Variants in FAM177B observed in about 807,000 individuals in gnomAD.
The protein encoded by FAM177B is protein FAM177B.
In FAM177B, 16 loss-of-function variants were observed where a neutral mutation model predicts 16.1. The ratio of observed to expected loss-of-function variants is 0.99; its 90% CI spans 0.67 to 1.51. The LOEUF is 1.51. Among genes scored for constraint, FAM177B ranks in the 40% most tolerant of loss-of-function variants. The pLI is 0.00. For synonymous variants in FAM177B, 56 were observed against 59.9 expected (o/e 0.93, Z 0.30); for missense variants, 178 against 183.7 (o/e 0.97, Z 0.18).
Position 222,745,037 on chromosome 1 carries a change from G to A in FAM177B, c.-15-1494G>A, listed in dbSNP as rs542878190. On this transcript the variant is annotated intron_variant, in intron 2 of 5. Transcript: ENST00000445590. ...TTTCTACATAAATGGAATTATATACGATGCAGTGTCTGGCTTCTTTTGCTT... is the reference window on the plus strand; with the variant it reads ...TTTCTACATAAATGGAATTATATACAATGCAGTGTCTGGCTTCTTTTGCTT... 4.6e-5 allele frequency among the ~76,000 whole-genome samples: 7 copies of A among 152,216 alleles called. No individual in the cohort carries two copies. The East Asian group carries it at 5.8e-4, about 13-fold the overall frequency.
In FAM177B at chr1:222,750,618, C is replaced by A. The variant is rs568011275; in HGVS notation, c.*560C>A. 2.4e-5 allele frequency: 19 copies of A among 793,568 alleles called. No homozygotes were observed. The highest frequency in any genetic ancestry group is 2.7e-5 in the Non-Finnish European group (18 of 655,254). The allele number at this position is 793,568 out of a possible 1,614,324, so 49.2% of individuals were successfully genotyped here. A position where few individuals can be genotyped will look rare whatever the true frequency, so the allele number is the denominator to read the frequency against. On this transcript the variant is annotated 3_prime_UTR_variant, in exon 6 of 6. Coordinates refer to ENST00000445590, the MANE Select transcript of FAM177B (RefSeq NM_001394345.1). The stretch of plus-strand genomic sequence containing the variant: ...TATCAAGATCTTTAAGAATTAGGTA[C>A]ATCCCTCCAAATTAAAACAATTGAT...
At chr1:222,745,520 G>A (rs1199980309) in intron 2 of FAM177B, among the ~76,000 whole-genome samples, 1 of 152,184 alleles carries the variant, frequency 6.6e-6, no homozygotes. Flanking sequence ...AGGTGGTTGA[G>A]GCGGGAAGAT....
rs566365052 is a variant in FAM177B at position 222,738,598 on chromosome 1, C to T, written c.-16+577C>T. On this transcript the variant is annotated intron_variant, in intron 2 of 5. Transcript: ENST00000445590. ...AAAAAAAAAGGCTGGGCGTGTGGCA[C>T]GTGCCTGTGGGAGGTCGAGGTTGCA... is the stretch of plus-strand genomic sequence containing the variant. Among the ~76,000 whole-genome samples, 8 of 140,222 alleles carry T rather than the reference C, an allele frequency of 5.7e-5. No individual in the cohort carries two copies. In the South Asian group the frequency reaches 1.1e-3, roughly 20 times the overall value. 92.0% of individuals were successfully genotyped at this position (140,222 alleles called of 152,430 possible).
chr1:222,737,361 T>A (rs1658324993), intron 1 of FAM177B, 39 bp downstream of exon 1: 1 of 152,526 alleles, frequency 6.6e-6, no homozygotes, highest in South Asian at 2.1e-4. Flanking sequence ...GGAGGTAAGA[T>A]GCAGAGGGTG....
At position 222,750,139 on chromosome 1, in the gene FAM177B, C is replaced by T; in HGVS notation, c.*81C>T. On this transcript the variant is annotated 3_prime_UTR_variant, in exon 6 of 6. Coordinates refer to ENST00000445590, the MANE Select transcript of FAM177B (RefSeq NM_001394345.1). ...GACTGCAGTTTCCCTGGATCTGTTC[C>T]TTGGCCATTGATTACCATGGCAACA... is the stretch of plus-strand genomic sequence containing the variant. 6.4e-7 allele frequency: 1 copy of T among 1,551,360 alleles called. No homozygotes were observed. The highest frequency in any genetic ancestry group is 1.2e-5 in the South Asian group (1 of 80,890).
chr1:222,741,566 C>T (rs1658534209), intron 2 of FAM177B, among the ~76,000 whole-genome samples: 2 of 148,780 alleles, frequency 1.3e-5, no homozygotes, highest in Admixed American at 6.8e-5. Flanking sequence ...TCTTCTCTGT[C>T]GCCCAGGCTA....
At chr1:222,749,275 C>T in intron 4 of FAM177B, 190 bp from the exon 5 acceptor site, 1 of 542,250 alleles carries the variant, frequency 1.8e-6, no homozygotes, top group Non-Finnish European at 3.3e-6. Context: ...GAAGATTTGA[C>T]AAATTTCCTT....
At position 222,750,414 on chromosome 1, in the gene FAM177B, A is replaced by G. The variant is rs1158287905; in HGVS notation, c.*356A>G. On this transcript the variant is annotated 3_prime_UTR_variant, in exon 6 of 6. Transcript: ENST00000445590. ...GAGTTTTTGGCTGAAATCCTCTGTC[A>G]TGGGACGAGGGTACAGTAAAGAAGC... is the stretch of plus-strand genomic sequence containing the variant. 9.7e-7 allele frequency: 1 copy of G among 1,034,902 alleles called. No individual in the cohort carries two copies. Among genetic ancestry groups the G allele is most frequent in the East Asian group, 9.1e-5 (1 of 10,990 alleles). 64.1% of individuals were successfully genotyped at this position (1,034,902 alleles called of 1,614,324 possible).
At chr1:222,741,567 G>A (rs1252807072) in intron 2 of FAM177B, among the ~76,000 whole-genome samples, 2 of 145,066 alleles carry the variant, frequency 1.4e-5, no homozygotes, top group Admixed American at 7.0e-5. Flanking sequence ...CTTCTCTGTC[G>A]CCCAGGCTAG....
chr1:222,749,298 T>G lies in FAM177B; in HGVS notation c.242-167T>G, dbSNP rs1658942772. The G allele has an allele frequency of 3.6e-6, 2 of 553,684 alleles. 1 individual carries two copies. Among genetic ancestry groups the G allele is most frequent in the South Asian group, 5.0e-5 (2 of 39,634 alleles). The allele number at this position is 553,684 out of a possible 1,614,324, so 34.3% of individuals were successfully genotyped here. On this transcript the variant is annotated intron_variant, in intron 4 of 5. Transcript: ENST00000445590. ...GACAAATTTCCTTTGAATCCTAGAA[T>G]TTTTGAGAGGCCAAGGCAATTGAAA... is the stretch of plus-strand genomic sequence containing the variant.
chr1:222,750,705 A>G lies in FAM177B; in HGVS notation c.*647A>G. ...TATTTTCTTATTTATTTGTCAAGAA[A>G]TTTTCAAAACCTGGAAAGATCGAAC... On this transcript the variant is annotated 3_prime_UTR_variant, in exon 6 of 6. Transcript: ENST00000445590. The G allele has an allele frequency of 2.1e-6, 1 of 476,874 alleles. No homozygotes were observed. The highest frequency in any genetic ancestry group is 2.7e-6 in the Non-Finnish European group (1 of 365,364). 29.5% of individuals were successfully genotyped at this position (476,874 alleles called of 1,614,324 possible).
rs927647605 is a variant in FAM177B, at chr1:222,749,503, G to C, written c.280G>C (p.Gly94Arg). The change falls in exon 5 of 6, where the codon GGT becomes CGT. Residue 94 changes from glycine (G) to arginine (R), a missense_variant. Physicochemically the swap from Gly to Arg is moderately radical, Grantham distance 125 (BLOSUM62 -2). Transcript: ENST00000445590. ...TGGTGGAAGATTTGCTGTCTTCTTT[G>C]GTCTTACTCAACCCAAATATCAGTA... ...FLGGRFAVFF[G>R]LTQPKYQYVL... 6.2e-7 allele frequency: 1 copy of C among 1,610,614 alleles called. No individual in the cohort carries two copies. The highest frequency in any genetic ancestry group is 8.5e-7 in the Non-Finnish European group (1 of 1,177,950).
At chr1:222,748,596 A>T (rs1658906464) in intron 4 of FAM177B, among the ~76,000 whole-genome samples, 1 of 152,116 alleles carries the variant, frequency 6.6e-6, no homozygotes, top group Admixed American at 6.6e-5. Flanking sequence ...CAGGTAATTA[A>T]TTTTTTCAAT....
In FAM177B at chr1:222,746,651, G is replaced by A. The variant is rs754340760; in HGVS notation, c.106G>A (p.Glu36Lys). Residue 36 changes from glutamate (E) to lysine (K), a missense_variant, in exon 3 of 6, where the codon GAA becomes AAA. Coordinates refer to ENST00000445590, the MANE Select transcript of FAM177B (RefSeq NM_001394345.1). ...IHFVDGDIME[E>K]YSTEEEEEEE... Reference sequence around the variant, plus strand: ...TTTTGTTGACGGAGACATCATGGAAGAATATAGCACAGAGGAGGAGGAGGA... The same window carrying A: ...TTTTGTTGACGGAGACATCATGGAAAAATATAGCACAGAGGAGGAGGAGGA... The A allele has an allele frequency of 2.5e-6, 4 of 1,613,756 alleles. No individual in the cohort carries two copies. The highest frequency in any genetic ancestry group is 1.7e-5 in the Admixed American group (1 of 60,032).
chr1:222,740,466 C>T lies in FAM177B; in HGVS notation c.-16+2445C>T, dbSNP rs1440739518. 2.0e-5 allele frequency among the ~76,000 whole-genome samples: 3 copies of T among 152,058 alleles called. No homozygotes were observed. The East Asian group carries it at 5.8e-4, about 29-fold the overall frequency. On this transcript the variant is annotated intron_variant, in intron 2 of 5. Coordinates refer to ENST00000445590, the MANE Select transcript of FAM177B (RefSeq NM_001394345.1). ...GTTTCCTCTCTCTTGCCTTCTTTCACAGTGTTTCTGTTCTTTTTTATTTTC... is the reference window on the plus strand; with the variant it reads ...GTTTCCTCTCTCTTGCCTTCTTTCATAGTGTTTCTGTTCTTTTTTATTTTC...
Position 222,749,466 on chromosome 1 carries a change from A to G in FAM177B, c.243A>G (p.Thr81=), listed in dbSNP as rs758222413. The G allele has an allele frequency of 3.1e-6, 5 of 1,594,212 alleles. No homozygotes were observed. The South Asian group carries it at 5.6e-5, about 18-fold the overall frequency. ...GCAAGTGCTCGTTCTTTCTTTTAGC[A>G]TGTGAATTCCTTGGTGGAAGATTTG... is the stretch of plus-strand genomic sequence containing the variant. ...AGRIASTSFS[T]CEFLGGRFAV... The change falls in exon 5 of 6, where the codon ACA becomes ACG. Residue 81 remains threonine (T), a splice_region_variant and synonymous_variant. Coordinates refer to ENST00000445590, the MANE Select transcript of FAM177B (RefSeq NM_001394345.1).
Position 222,750,467 on chromosome 1 carries a change from C to T in FAM177B, c.*409C>T. 2.0e-6 allele frequency: 2 copies of T among 994,212 alleles called. No homozygotes were observed. Among genetic ancestry groups the T allele is most frequent in the Non-Finnish European group, 2.4e-6 (2 of 836,180 alleles). The allele number at this position is 994,212 out of a possible 1,614,324, so 61.6% of individuals were successfully genotyped here. On this transcript the variant is annotated 3_prime_UTR_variant, in exon 6 of 6. Coordinates refer to ENST00000445590, the MANE Select transcript of FAM177B (RefSeq NM_001394345.1). ...TATTCCTCAGAAGAAAATTTGGGCA[C>T]CGCAAAGTCTAAATAAATCCCCTTT...
chr1:222,748,274 A>G (rs187637784), intron 4 of FAM177B, among the ~76,000 whole-genome samples: 24 of 152,324 alleles, frequency 1.6e-4, no homozygotes, highest in Non-Finnish European at 2.9e-4. Flanking sequence ...TTAAGGCAAA[A>G]GGGTTTGAAA....
At position 222,741,610 on chromosome 1, in the gene FAM177B, C is replaced by T. The variant is rs1375575489; in HGVS notation, c.-16+3589C>T. Reference sequence around the variant, plus strand: ...TGGCACAATCGCTGCTCATTGCAACCTCACCTCAAACTCCCAGACTCAAGC... The same window carrying T: ...TGGCACAATCGCTGCTCATTGCAACTTCACCTCAAACTCCCAGACTCAAGC... On this transcript the variant is annotated intron_variant, in intron 2 of 5. Transcript: ENST00000445590. Among the ~76,000 whole-genome samples the T allele has an allele frequency of 2.6e-5, 4 of 151,888 alleles. No individual in the cohort carries two copies. In the East Asian group the frequency reaches 5.8e-4, roughly 22 times the overall value.
Sources: gnomAD v4.1 joint callset for allele counts (sites outside exome capture counted in the v4.1 genomes callset) on GRCh38, gnomAD v4.1.1 for gene constraint, MANE v1.5 for transcripts, NCBI Gene and HGNC (gene_info 2026-07-23, HGNC 2026-07-21) for gene names.